Variants in MEIOB observed in about 807,000 individuals in gnomAD.
The protein encoded by MEIOB is meiosis-specific with OB domain-containing protein.
A neutral mutation model predicts 53.1 loss-of-function variants in MEIOB; 50 were observed. The ratio of observed to expected loss-of-function variants is 0.94; its 90% CI spans 0.75 to 1.19. The LOEUF (loss-of-function observed/expected upper bound fraction) is 1.19, where lower values mean the gene tolerates loss of function less well. MEIOB is among the 50% of genes most tolerant of loss of function. The pLI is 0.00. For synonymous variants in MEIOB, 192 were observed against 182.5 expected (o/e 1.05, Z -0.42); for missense variants, 551 against 550.8 (o/e 1.00, Z 0.00).
chr16:1,846,971 A>G (rs1161813778), intron 9 of MEIOB, among the ~76,000 whole-genome samples: 1 of 152,114 alleles, frequency 6.6e-6, no homozygotes, highest in Non-Finnish European at 1.5e-5. Context: ...CCTGGCCAAC[A>G]TGGTGAAACC....
At chr16:1,865,443 GA>G (rs1899564507) in intron 3 of MEIOB, among the ~76,000 whole-genome samples, 2 of 98,292 alleles carry the variant, frequency 2.0e-5, no homozygotes, top group African/African-American at 7.5e-5. Context: ...AAAAAAAAAA[GA>G]GAGAACACAT....
chr16:1,869,677 T>A (rs988247632), intron 1 of MEIOB, among the ~76,000 whole-genome samples: 6 of 151,222 alleles, frequency 4.0e-5, no homozygotes, highest in Non-Finnish European at 7.4e-5. Flanking sequence ...GGTCTCCATC[T>A]CCTGACCTCG....
chr16:1,869,687 G>A lies in MEIOB; in HGVS notation c.-9-1503C>T, dbSNP rs562249686. Among the ~76,000 whole-genome samples, 11 of 151,432 alleles carry A rather than the reference G, an allele frequency of 7.3e-5. No individual in the cohort carries two copies. In the East Asian group the frequency reaches 2.0e-3, roughly 27 times the overall value. On this transcript the variant is annotated intron_variant, in intron 1 of 13. Transcript: ENST00000325962. ...AGGATGGTCTCCATCTCCTGACCTCGTGATCCGCCCACCTCGGCCTCCCAA... is the reference window on the plus strand; with the variant it reads ...AGGATGGTCTCCATCTCCTGACCTCATGATCCGCCCACCTCGGCCTCCCAA...
chr16:1,859,064 A>G (rs1276980450), intron 5 of MEIOB, among the ~76,000 whole-genome samples: 1 of 152,186 alleles, frequency 6.6e-6, no homozygotes, highest in Non-Finnish European at 1.5e-5. Context: ...ACAATCTCAG[A>G]CGGTGACTTG....
At chr16:1,852,254 C>CTT (rs56066518) in intron 9 of MEIOB, among the ~76,000 whole-genome samples, 29 of 94,012 alleles carry the variant, frequency 3.1e-4, no homozygotes, top group African/African-American at 4.2e-4. Context: ...TGGTTTTTCA[C>CTT]TTTTTTTTTT....
intron 9 of MEIOB, among the ~76,000 whole-genome samples, chr16:1,851,368 C>A (rs1194934318): frequency 6.6e-6 from 1 of 152,224 alleles, no homozygotes; most frequent in African/African-American, 2.4e-5. Flanking sequence ...TGCCCGACCA[C>A]CTTGTGGCTC....
At chr16:1,843,154 C>T (rs1217858601) in intron 10 of MEIOB, among the ~76,000 whole-genome samples, 1 of 150,786 alleles carries the variant, frequency 6.6e-6, no homozygotes, top group African/African-American at 2.4e-5. Flanking sequence ...ATTAGCCGGG[C>T]GTGGGGTGGG....
At chr16:1,840,226 A>T (rs1477500605) in intron 11 of MEIOB, 2 of 152,192 alleles carry the variant, frequency 1.3e-5, no homozygotes, top group African/African-American at 4.8e-5. Context: ...TCAATTTTTG[A>T]AAACTATTTT....
chr16:1,839,458 A>G lies in MEIOB; in HGVS notation c.1035-20T>C, dbSNP rs779428308. The stretch of plus-strand genomic sequence containing the variant: ...CTGGAACTGAAAAGAAACAAAGACA[A>G]TGATAAAATGTGATGCCCTAAGCTA... On this transcript the variant is annotated intron_variant, in intron 11 of 13. Transcript: ENST00000325962. 12 of 1,591,144 alleles carry G rather than the reference A, an allele frequency of 7.5e-6. No individual in the cohort carries two copies. The highest frequency in any genetic ancestry group is 1.0e-5 in the Non-Finnish European group (12 of 1,169,020).
chr16:1,836,965 A>G (rs12325141), intron 13 of MEIOB, among the ~76,000 whole-genome samples: 27,047 of 152,128 alleles, frequency 0.18, 2,566 homozygotes, highest in South Asian at 0.27. Context: ...GTTGAGAACC[A>G]TGAAGTGAAG....
At chr16:1,849,286 C>A (rs1328514693) in intron 9 of MEIOB, among the ~76,000 whole-genome samples, 3 of 151,996 alleles carry the variant, frequency 2.0e-5, no homozygotes, top group African/African-American at 7.3e-5. Context: ...GGCGCGGTGG[C>A]TCACACTTGT....
At chr16:1,848,604 A>G (rs1899081616) in intron 9 of MEIOB, among the ~76,000 whole-genome samples, 1 of 137,644 alleles carries the variant, frequency 7.3e-6, no homozygotes, top group African/African-American at 2.8e-5. Flanking sequence ...ATGCAGTGGC[A>G]TGATCTCGAC....
Position 1,860,490 on chromosome 16 carries a change from A to T in MEIOB, c.260-15T>A, listed in dbSNP as rs775198155. On this transcript the variant is annotated splice_polypyrimidine_tract_variant and intron_variant, in intron 4 of 13. Transcript: ENST00000325962. ...TTCAATTATCACTAAAACAGAGGGC[A>T]AAGTATGATGATATTACAAAACAGT... is the stretch of plus-strand genomic sequence containing the variant. The T allele has an allele frequency of 2.1e-6, 3 of 1,432,786 alleles. No individual in the cohort carries two copies. Among genetic ancestry groups the T allele is most frequent in the Non-Finnish European group, 2.9e-6 (3 of 1,040,336 alleles). The allele number at this position is 1,432,786 out of a possible 1,614,324, so 88.8% of individuals were successfully genotyped here.
rs1336960239 is a variant in MEIOB at position 1,860,441 on chromosome 16, T to G, written c.294A>C (p.Glu98Asp). 1.3e-6 allele frequency: 2 copies of G among 1,547,388 alleles called. No individual in the cohort carries two copies. The highest frequency in any genetic ancestry group is 2.7e-5 in the African/African-American group (2 of 72,964). The part of the protein sequence containing the change: ...IIENPLIQRK[E>D]IEREEKFSPA... The stretch of plus-strand genomic sequence containing the variant: ...GGCTGAATTTTTCTTCTCTTTCTAT[T>G]TCCTTTCTTTGGATCAGAGGATTTT... The change falls in exon 5 of 14, where the codon GAA (glutamate) becomes GAC (aspartate). Residue 98 changes from glutamate (E) to aspartate (D), a missense_variant. Transcript: ENST00000325962.
intron 13 of MEIOB, among the ~76,000 whole-genome samples, chr16:1,836,284 A>C (rs1391360220): frequency 1.3e-5 from 2 of 152,186 alleles, no homozygotes; most frequent in African/African-American, 2.4e-5. Flanking sequence ...ATATTTGTTA[A>C]AGCCACCTGG....
chr16:1,852,536 C>G (rs1462729608), intron 9 of MEIOB, among the ~76,000 whole-genome samples: 2 of 151,568 alleles, frequency 1.3e-5, no homozygotes, highest in Admixed American at 1.3e-4. Flanking sequence ...GCTGGAATTA[C>G]AGGTGTGAGC....
chr16:1,852,408 G>A (rs1275512120), intron 9 of MEIOB, among the ~76,000 whole-genome samples: 2 of 151,698 alleles, frequency 1.3e-5, no homozygotes, highest in Non-Finnish European at 2.9e-5. Flanking sequence ...TACTACAGGC[G>A]CACACTTTTA....
intron 4 of MEIOB, 132 bp downstream of exon 4, chr16:1,861,853 T>A (rs560548077): frequency 2.2e-4 from 213 of 969,390 alleles, no homozygotes; most frequent in Non-Finnish European, 2.7e-4. Flanking sequence ...CTCTTAACAC[T>A]TGACTTTTTC....
intron 3 of MEIOB, among the ~76,000 whole-genome samples, chr16:1,863,707 C>T (rs1255175582): frequency 6.8e-6 from 1 of 147,030 alleles, no homozygotes; most frequent in African/African-American, 2.5e-5. Context: ...TGGGGAAGAA[C>T]AGAGTGAGAC....
Sources: allele counts gnomAD v4.1 joint callset (sites outside exome capture counted in the v4.1 genomes callset), GRCh38; gene constraint gnomAD v4.1.1; transcripts MANE v1.5; gene names NCBI Gene and HGNC (gene_info 2026-07-23, HGNC 2026-07-21).